CADM2: variants seen among roughly 807,000 people sequenced by gnomAD.
The protein encoded by CADM2 is cell adhesion molecule 2, also known as immunoglobulin superfamily member 4D.
A neutral mutation model predicts 49.8 loss-of-function variants in CADM2; 12 were observed. The ratio of observed to expected loss-of-function variants is 0.24; its 90% CI spans 0.15 to 0.39. The LOEUF is 0.39. Ranked by LOEUF, CADM2 falls within the 10% of genes least tolerant of loss-of-function variation. CADM2 has a pLI of 1.00. For synonymous variants in CADM2, 214 were observed against 175.4 expected (o/e 1.22, Z -1.74); for missense variants, 378 against 492.3 (o/e 0.77, Z 2.20).
chr3:86,012,217 T>G (rs910834876), intron 8 of CADM2, among the ~76,000 whole-genome samples: 1 of 152,192 alleles, frequency 6.6e-6, no homozygotes, highest in African/African-American at 2.4e-5. Context: ...TATCTCAATA[T>G]GAAACATCTT....
At chr3:85,764,259 A>C (rs1434622816) in intron 2 of CADM2, among the ~76,000 whole-genome samples, 1 of 152,158 alleles carries the variant, frequency 6.6e-6, no homozygotes, top group Non-Finnish European at 1.5e-5. Context: ...GTGATACACT[A>C]TAAAGTATTC....
At chr3:85,659,699 A>G (rs148970175) in intron 1 of CADM2, among the ~76,000 whole-genome samples, 2 of 152,290 alleles carry the variant, frequency 1.3e-5, no homozygotes, top group Admixed American at 1.3e-4. Flanking sequence ...TCTCAGAAGC[A>G]TTGTCCAGGC....
intron 1 of CADM2, among the ~76,000 whole-genome samples, chr3:85,332,547 C>G (rs11925111): frequency 1.3e-5 from 2 of 151,854 alleles, no homozygotes; most frequent in African/African-American, 2.4e-5. Context: ...AGGATGCAAT[C>G]TGAGTTTATA....
intron 1 of CADM2, among the ~76,000 whole-genome samples, chr3:85,282,336 A>G (rs2043523188): frequency 7.3e-6 from 1 of 137,842 alleles, no homozygotes; most frequent in Non-Finnish European, 1.5e-5. Context: ...AACTCGGCTC[A>G]TGGCAACCTC....
chr3:85,797,903 A>C (rs2071724889), intron 2 of CADM2, among the ~76,000 whole-genome samples: 1 of 152,178 alleles, frequency 6.6e-6, no homozygotes, highest in Non-Finnish European at 1.5e-5. Flanking sequence ...CTGTATCTCC[A>C]CATCCTTTCC....
chr3:85,354,632 G>GAGAGAGAGAGAGAGAGAGAGAA (rs1318974365), intron 1 of CADM2, among the ~76,000 whole-genome samples: 1 of 150,794 alleles, frequency 6.6e-6, no homozygotes, highest in Non-Finnish European at 1.5e-5. Context: ...GAGAGAGAGA[G>GAGAGAGAGAGAGAGAGAGAGAA]AGAGAGAGAG....
chr3:85,789,424 T>A (rs2108024574), intron 2 of CADM2, among the ~76,000 whole-genome samples: 1 of 152,326 alleles, frequency 6.6e-6, no homozygotes, highest in Non-Finnish European at 1.5e-5. Context: ...AATTACCATG[T>A]AAGCCTGTTT....
rs899400001 is a variant in CADM2, at chr3:85,960,901, ATTTAT to A, written c.792-562_792-558del. Among the ~76,000 whole-genome samples the A allele has an allele frequency of 8.0e-5, 12 of 149,496 alleles. No individual in the cohort carries two copies. In the South Asian group the frequency reaches 2.3e-3, roughly 29 times the overall value. ...GTGCAAAGATTTTTATCTTTTTTAT[ATTTAT>A]TTTATGTTTTATATTCTTATTTTAT... On this transcript the variant is annotated intron_variant, in intron 7 of 9. Transcript: ENST00000383699.
At chr3:86,004,013 C>T (rs1730484158) in intron 8 of CADM2, among the ~76,000 whole-genome samples, 1 of 151,778 alleles carries the variant, frequency 6.6e-6, no homozygotes, top group Admixed American at 6.6e-5. Context: ...AAAGTCTGGG[C>T]CACATGCAGA....
At chr3:85,926,521 T>TA (rs934055583) in intron 6 of CADM2, among the ~76,000 whole-genome samples, 1 of 152,212 alleles carries the variant, frequency 6.6e-6, no homozygotes, top group African/African-American at 2.4e-5. Context: ...GATCTTTATA[T>TA]GAGTGTTACC....
chr3:85,190,542 C>T (rs1327302217), intron 1 of CADM2, among the ~76,000 whole-genome samples: 1 of 152,046 alleles, frequency 6.6e-6, no homozygotes, highest in African/African-American at 2.4e-5. Context: ...GGAAATTATT[C>T]AGTAAAATTT....
intron 8 of CADM2, among the ~76,000 whole-genome samples, chr3:85,964,969 A>G (rs1299948613): frequency 6.6e-6 from 1 of 151,628 alleles, no homozygotes; most frequent in Non-Finnish European, 1.5e-5. Context: ...ATCTTGACCC[A>G]TTGCTATTCT....
chr3:85,008,449 C>T (rs950850546), intron 1 of CADM2, among the ~76,000 whole-genome samples: 2 of 152,028 alleles, frequency 1.3e-5, no homozygotes, highest in African/African-American at 2.4e-5. Flanking sequence ...ATTGTGAGGG[C>T]GCTTTAGTTA....
intron 1 of CADM2, among the ~76,000 whole-genome samples, chr3:85,044,560 C>G (rs1343083488): frequency 6.6e-6 from 1 of 152,134 alleles, no homozygotes; most frequent in Admixed American, 6.6e-5. Flanking sequence ...ATGAGGATAT[C>G]CTTTGATATA....
chr3:85,798,601 G>A (rs970258216), intron 2 of CADM2, among the ~76,000 whole-genome samples: 1 of 152,094 alleles, frequency 6.6e-6, no homozygotes, highest in Admixed American at 6.5e-5. Context: ...TTATTTCTGA[G>A]GACTCTGTTC....
intron 1 of CADM2, among the ~76,000 whole-genome samples, chr3:85,007,614 T>C (rs947523248): frequency 1.3e-5 from 2 of 152,170 alleles, no homozygotes; most frequent in African/African-American, 2.4e-5. Context: ...TTTAAATAGA[T>C]ACTAAAAATA....
At position 85,449,705 on chromosome 3, in the gene CADM2, A is replaced by T. The variant is rs1299094601; in HGVS notation, c.62-276817A>T. Among the ~76,000 whole-genome samples, 7 of 152,186 alleles carry T rather than the reference A, an allele frequency of 4.6e-5. No individual in the cohort carries two copies. The South Asian group carries it at 8.3e-4, about 18-fold the overall frequency. On this transcript the variant is annotated intron_variant, in intron 1 of 9. Transcript: ENST00000383699. The stretch of plus-strand genomic sequence containing the variant: ...AAGTAAATGTGGAAAACAGACAATC[A>T]GTTCTTAAAATTCTCGTATTTCACA...
intron 1 of CADM2, among the ~76,000 whole-genome samples, chr3:85,632,888 G>A (rs2064354946): frequency 6.6e-6 from 1 of 151,810 alleles, no homozygotes; most frequent in African/African-American, 2.4e-5. Flanking sequence ...AAATCTAATA[G>A]AATAGATTTT....
chr3:85,750,377 C>G (rs73845634), intron 2 of CADM2, among the ~76,000 whole-genome samples: 3,932 of 152,078 alleles, frequency 0.026, 190 homozygotes, highest in African/African-American at 0.09. Context: ...TGTCTTTAAG[C>G]TTGCAATTGG....
Sources: gnomAD v4.1 joint callset for allele counts (sites outside exome capture counted in the v4.1 genomes callset) on GRCh38, gnomAD v4.1.1 for gene constraint, MANE v1.5 for transcripts, NCBI Gene and HGNC (gene_info 2026-07-23, HGNC 2026-07-21) for gene names.